ADGRD2: variants seen among roughly 807,000 people sequenced by gnomAD.
The protein encoded by ADGRD2 is G protein-coupled receptor PGR24.
Under a neutral mutation model 44.4 loss-of-function variants are expected in ADGRD2, and 71 were observed. The ratio of observed to expected loss-of-function variants is 1.60; its 90% CI spans 1.32 to 1.95. The LOEUF (loss-of-function observed/expected upper bound fraction) is 1.95, where lower values mean the gene tolerates loss of function less well. ADGRD2 is among the 30% of genes most tolerant of loss of function. The probability of loss-of-function intolerance (pLI) is 0.00; values close to 1 mark genes in which losing one functional copy is unlikely to be tolerated. For missense variants in ADGRD2, 1,039 were observed against 512.4 expected (o/e 2.03, Z -9.92); for synonymous variants, 481 against 224.8 (o/e 2.14, Z -10.19).
chr9:124,458,465 C>T (rs1831660022), intron 9 of ADGRD2, 151 bp from the exon 13 acceptor site: 1 of 623,314 alleles, frequency 1.6e-6, no homozygotes, highest in Non-Finnish European at 2.9e-6. Flanking sequence ...CAGCAAGTCC[C>T]TAAGGCAAGA....
chr9:124,455,052 G>T (rs1183005034), exon 6 of ADGRD2: 9 of 718,044 alleles, frequency 1.3e-5, no homozygotes, highest in Non-Finnish European at 2.3e-5. Context: ...GGGAGCAGCT[G>T]AGCCAAGGCG....
At chr9:124,455,526 G>A (rs1180208834) in intron 6 of ADGRD2, among the ~76,000 whole-genome samples, 1 of 151,814 alleles carries the variant, frequency 6.6e-6, no homozygotes, top group Non-Finnish European at 1.5e-5. Context: ...GGGGGCGGAG[G>A]TTGCAGTGAG....
At chr9:124,461,876 G>T (rs7019489) in intron 10 of ADGRD2, among the ~76,000 whole-genome samples, 97,715 of 151,094 alleles carry the variant, frequency 0.65, 31,815 homozygotes, top group Middle Eastern at 0.73. Context: ...GCCTACAGTA[G>T]CTGAGATTAT....
Position 124,454,341 on chromosome 9 carries a change from CG to C in ADGRD2, c.1023-142del, listed in dbSNP as rs914637690. The C allele has an allele frequency of 1.3e-5, 8 of 601,304 alleles. No individual in the cohort carries two copies. In the African/African-American group the frequency reaches 1.5e-4, roughly 11 times the overall value. The allele number at this position is 601,304 out of a possible 1,614,324, so 37.2% of individuals were successfully genotyped here. On this transcript the variant is annotated intron_variant, in intron 4 of 21. Transcript: ENST00000334810. The surrounding 1 kb of genome is among the most constrained non-coding windows in gnomAD (Gnocchi z 4.5). ...GCCTCAGTTTCCCCATCTAGAACAC[CG>C]TGTGTAAGACTCTGGACACACAGCC...
rs1831501056 is a variant in ADGRD2, at chr9:124,452,501, C to T, written c.69-9C>T. 2.8e-6 allele frequency: 2 copies of T among 718,370 alleles called. No homozygotes were observed. The highest frequency in any genetic ancestry group is 5.2e-6 in the Non-Finnish European group (2 of 385,094). 44.5% of individuals were successfully genotyped at this position (718,370 alleles called of 1,614,324 possible). A position where few individuals can be genotyped will look rare whatever the true frequency, so the allele number is the denominator to read the frequency against. On this transcript the variant is annotated splice_polypyrimidine_tract_variant and intron_variant, in intron 1 of 21. Transcript: ENST00000334810. ...ATGCACCCCCCACCGTCTCTCTTAT[C>T]GTTTTTAGCCCCCGTGGCCGCCGGC...
intron 10 of ADGRD2, among the ~76,000 whole-genome samples, chr9:124,462,882 T>TCTTC (rs934065030): frequency 2.8e-5 from 4 of 144,616 alleles, no homozygotes; most frequent in Non-Finnish European, 5.9e-5. Context: ...TGTCTTCCTT[T>TCTTC]CTTCCTTCCT....
chr9:124,466,497 G>A (rs1341263391), intron 11 of ADGRD2, 84 bp downstream of exon 14: 2 of 582,992 alleles, frequency 3.4e-6, no homozygotes, highest in African/African-American at 1.9e-5. Context: ...GCCAGAAGAA[G>A]CATCTGAGGG....
exon 18 of ADGRD2, chr9:124,475,450 T>C (rs377550227): frequency 4.0e-4 from 285 of 713,664 alleles, no homozygotes; most frequent in African/African-American, 3.3e-3. Context: ...CCTCAGGGGC[T>C]GTACATCTTC....
intron 7 of ADGRD2, 86 bp downstream of exon 10, chr9:124,456,819 G>T: frequency 1.4e-6 from 1 of 693,128 alleles, no homozygotes; most frequent in South Asian, 1.5e-5. Flanking sequence ...AACTTCCACA[G>T]ACACTCCATT....
exon 9 of ADGRD2, chr9:124,458,162 C>T: frequency 4.2e-6 from 3 of 718,536 alleles, no homozygotes; most frequent in East Asian, 2.7e-5. Context: ...CCAGAGTCTT[C>T]CAGCACACCC....
intron 21 of ADGRD2, chr9:124,476,971 C>G: frequency 2.9e-6 from 2 of 686,892 alleles, no homozygotes; most frequent in Non-Finnish European, 2.7e-6. Context: ...CAACCTGCCT[C>G]CCTCTGTCCT....
exon 1 of ADGRD2, chr9:124,452,149 C>G: frequency 1.4e-6 from 1 of 717,090 alleles, no homozygotes; most frequent in South Asian, 1.5e-5. Flanking sequence ...AACCCTTGGG[C>G]CCCAGGTTGG....
intron 11 of ADGRD2, chr9:124,467,402 T>A: frequency 8.5e-6 from 2 of 236,552 alleles, no homozygotes; most frequent in Non-Finnish European, 1.6e-5. Context: ...ATGAGTATCA[T>A]CCGCAGCCCC....
At chr9:124,477,946 T>G (rs1588611835) in intron 21 of ADGRD2, among the ~76,000 whole-genome samples, 1 of 151,770 alleles carries the variant, frequency 6.6e-6, no homozygotes, top group Admixed American at 6.6e-5. Context: ...AGCTTCCACC[T>G]GGGCCCCACC....
At chr9:124,468,932 T>A (rs1831885617) in intron 14 of ADGRD2, among the ~76,000 whole-genome samples, 1 of 152,122 alleles carries the variant, frequency 6.6e-6, no homozygotes, top group South Asian at 2.1e-4. Flanking sequence ...CCCCTCTCCA[T>A]CCGCAGTGCT....
At chr9:124,476,597 G>C in intron 20 of ADGRD2, 82 bp from the exon 24 acceptor site, 1 of 647,576 alleles carries the variant, frequency 1.5e-6, no homozygotes, top group Non-Finnish European at 2.8e-6. Context: ...AGCTGGCAGA[G>C]GCCCCTATAG....
exon 7 of ADGRD2, chr9:124,456,650 C>G: frequency 1.4e-6 from 1 of 717,906 alleles, no homozygotes; most frequent in South Asian, 1.5e-5. Context: ...GCCCTGGTGG[C>G]GAGTGTGCAG....
intron 19 of ADGRD2, among the ~76,000 whole-genome samples, chr9:124,476,068 T>C (rs1832044649): frequency 6.6e-6 from 1 of 151,662 alleles, no homozygotes. Flanking sequence ...TGCAGAAGGG[T>C]TTGGGGGACT....
chr9:124,468,263 C>T (rs1831870061), intron 13 of ADGRD2, 73 bp downstream of exon 16: 1 of 712,172 alleles, frequency 1.4e-6, no homozygotes, highest in Non-Finnish European at 2.6e-6. Context: ...CTAGGGTGAC[C>T]CCCTGCCCCC....
Sources: gnomAD v4.1 joint callset for allele counts (sites outside exome capture counted in the v4.1 genomes callset) on GRCh38, gnomAD v4.1.1 for gene constraint, Gnocchi (gnomAD v3.1) non-coding constraint, MANE v1.5 for transcripts, NCBI Gene and HGNC (gene_info 2026-07-23, HGNC 2026-07-21) for gene names.